ANKRD17: variants seen among roughly 807,000 people sequenced by gnomAD.
ANKRD17 encodes ankyrin repeat domain 17, also known as ankyrin repeat domain-containing protein 17.
Under a neutral mutation model 229.7 loss-of-function variants are expected in ANKRD17, and 19 were observed. That is an observed-to-expected ratio of 0.08 (90% CI 0.06 to 0.12). The LOEUF (loss-of-function observed/expected upper bound fraction) is 0.12. Ranked by LOEUF, ANKRD17 falls within the 10% of genes least tolerant of loss-of-function variation. The pLI, the probability that ANKRD17 is intolerant of heterozygous loss-of-function variation, is 1.00. For missense variants in ANKRD17, 2,176 were observed against 3,176.8 expected (o/e 0.68, Z 7.57); for synonymous variants, 1,112 against 1,146.1 (o/e 0.97, Z 0.60).
chr4:73,192,478 A>G (rs763370304), intron 1 of ANKRD17, among the ~76,000 whole-genome samples: 1 of 152,108 alleles, frequency 6.6e-6, no homozygotes, highest in African/African-American at 2.4e-5. Flanking sequence ...CAAGTTATTA[A>G]CAGTGGTAAT....
chr4:73,161,461 A>G (rs1732511083), intron 2 of ANKRD17, 113 bp from the exon 3 acceptor site: 2 of 1,049,696 alleles, frequency 1.9e-6, no homozygotes, highest in Non-Finnish European at 2.8e-6. Flanking sequence ...CAAATGGTAG[A>G]GTAGACATAT....
chr4:73,207,246 C>T (rs1163759197), intron 1 of ANKRD17, among the ~76,000 whole-genome samples: 1 of 151,884 alleles, frequency 6.6e-6, no homozygotes. Context: ...TCATGTTGTA[C>T]ACCAAAAATA....
In ANKRD17 at chr4:73,147,222, C is replaced by A; in HGVS notation, c.1759+19G>T. On this transcript the variant is annotated intron_variant, in intron 9 of 33. Coordinates refer to ENST00000358602, the MANE Select transcript of ANKRD17 (RefSeq NM_032217.5). ...AACAAATCATGTAAAAAACTTCTCC[C>A]AAATGCAAAAATGCCTACCTGCAGC... 1 of 1,513,538 alleles carries A rather than the reference C, an allele frequency of 6.6e-7. No individual in the cohort carries two copies. Among genetic ancestry groups the A allele is most frequent in the South Asian group, 1.3e-5 (1 of 75,338 alleles). The allele number at this position is 1,513,538 out of a possible 1,614,324, so 93.8% of individuals were successfully genotyped here.
At chr4:73,086,533 T>C (rs1722143848) in intron 29 of ANKRD17, among the ~76,000 whole-genome samples, 1 of 152,032 alleles carries the variant, frequency 6.6e-6, no homozygotes, top group Admixed American at 6.5e-5. Flanking sequence ...ACCTATCTGA[T>C]TTTAGTCTAA....
At chr4:73,107,154 G>A (rs1234636086) in intron 24 of ANKRD17, among the ~76,000 whole-genome samples, 1 of 151,760 alleles carries the variant, frequency 6.6e-6, no homozygotes, top group Non-Finnish European at 1.5e-5. Flanking sequence ...ATATATAGAG[G>A]GTCTAATATG....
intron 5 of ANKRD17, 151 bp downstream of exon 5, chr4:73,155,480 A>T: frequency 1.2e-6 from 1 of 811,538 alleles, no homozygotes; most frequent in Non-Finnish European, 1.9e-6. Flanking sequence ...TATATTCTAT[A>T]TACTTCAAAA....
chr4:73,210,217 AC>A (rs1170952483), intron 1 of ANKRD17, among the ~76,000 whole-genome samples: 1 of 152,168 alleles, frequency 6.6e-6, no homozygotes, highest in Non-Finnish European at 1.5e-5. Context: ...TACCAAAAAA[AC>A]AAACAAATAA....
chr4:73,076,902 A>G (rs1721059528), intron 33 of ANKRD17, 38 bp downstream of exon 33: 1 of 1,567,354 alleles, frequency 6.4e-7, no homozygotes, highest in Non-Finnish European at 8.6e-7. Context: ...TTTCTTAAAC[A>G]CAAAACAACT....
At chr4:73,217,645 A>G (rs1479855151) in intron 1 of ANKRD17, among the ~76,000 whole-genome samples, 2 of 152,150 alleles carry the variant, frequency 1.3e-5, no homozygotes, top group East Asian at 1.9e-4. Context: ...TACAGGCACG[A>G]GCCACTCACT....
chr4:73,169,215 C>A (rs1364632487), intron 2 of ANKRD17: 2 of 152,132 alleles, frequency 1.3e-5, no homozygotes, highest in Non-Finnish European at 2.9e-5. Flanking sequence ...CAGTAAAACT[C>A]ATGCCTGAAC....
chr4:73,255,707 T>C (rs1196708663), intron 1 of ANKRD17, among the ~76,000 whole-genome samples: 1 of 152,114 alleles, frequency 6.6e-6, no homozygotes, highest in East Asian at 1.9e-4. Context: ...CTCATCTGTA[T>C]AGATTTTTTA....
At chr4:73,201,971 T>G (rs918131109) in intron 1 of ANKRD17, among the ~76,000 whole-genome samples, 5 of 152,152 alleles carry the variant, frequency 3.3e-5, no homozygotes, top group Non-Finnish European at 7.3e-5. Context: ...ATTGAGTACA[T>G]ATTACACAAA....
intron 26 of ANKRD17, among the ~76,000 whole-genome samples, 154 bp from the exon 27 acceptor site, chr4:73,097,426 T>G (rs950168252): frequency 6.7e-6 from 1 of 148,470 alleles, no homozygotes; most frequent in Admixed American, 6.7e-5. Context: ...GCATATAATA[T>G]AGAGAGCCTT....
chr4:73,241,434 C>T (rs912291237), intron 1 of ANKRD17, among the ~76,000 whole-genome samples: 1 of 151,890 alleles, frequency 6.6e-6, no homozygotes, highest in African/African-American at 2.4e-5. Context: ...AAAAGGAAAT[C>T]CAGTCACATG....
chr4:73,191,343 G>A (rs75861103), intron 1 of ANKRD17, among the ~76,000 whole-genome samples: 7 of 131,606 alleles, frequency 5.3e-5, no homozygotes, highest in East Asian at 2.7e-4. Context: ...AAATATATAT[G>A]TGTGTGTGTG....
chr4:73,087,436 T>C (rs1044146993), intron 29 of ANKRD17, among the ~76,000 whole-genome samples: 2 of 152,186 alleles, frequency 1.3e-5, no homozygotes, highest in African/African-American at 4.8e-5. Flanking sequence ...ACCTATATGA[T>C]GCTCCTTCCT....
At chr4:73,216,487 G>A (rs1305922638) in intron 1 of ANKRD17, among the ~76,000 whole-genome samples, 1 of 152,064 alleles carries the variant, frequency 6.6e-6, no homozygotes, top group Non-Finnish European at 1.5e-5. Flanking sequence ...CAAATGGCGG[G>A]GGTGACAGCA....
intron 1 of ANKRD17, among the ~76,000 whole-genome samples, chr4:73,228,681 A>G (rs775760675): frequency 1.3e-5 from 2 of 152,230 alleles, no homozygotes; most frequent in African/African-American, 2.4e-5. Flanking sequence ...TCAGATTAGT[A>G]CATAAATATT....
intron 2 of ANKRD17, chr4:73,169,023 G>A (rs560196717): frequency 3.9e-5 from 6 of 152,134 alleles, no homozygotes; most frequent in Non-Finnish European, 5.9e-5. Flanking sequence ...AAGTAATAAC[G>A]TGGCATTTGT....
Sources: gnomAD v4.1 joint callset for allele counts (sites outside exome capture counted in the v4.1 genomes callset) on GRCh38, gnomAD v4.1.1 for gene constraint, MANE v1.5 for transcripts, NCBI Gene and HGNC (gene_info 2026-07-23, HGNC 2026-07-21) for gene names.